MANBA: variants seen among roughly 807,000 people sequenced by gnomAD.
The protein encoded by MANBA is beta-mannosidase.
In MANBA, 83 loss-of-function variants were observed where a neutral mutation model predicts 111.1. That is an observed-to-expected ratio of 0.75 (90% CI 0.63 to 0.90). MANBA has a LOEUF of 0.90. MANBA is among the 40% of genes least tolerant of loss of function. The pLI is 0.00. For missense variants in MANBA, 1,036 were observed against 1,069.0 expected (o/e 0.97, Z 0.43); for synonymous variants, 370 against 378.7 (o/e 0.98, Z 0.27).
chr4:102,650,313 T>C (rs1730272955), intron 13 of MANBA, among the ~76,000 whole-genome samples: 1 of 152,230 alleles, frequency 6.6e-6, no homozygotes, highest in Non-Finnish European at 1.5e-5. Context: ...TCATACACAA[T>C]TTATTTCAGA....
At chr4:102,715,087 C>T (rs1722268404) in intron 4 of MANBA, among the ~76,000 whole-genome samples, 1 of 152,154 alleles carries the variant, frequency 6.6e-6, no homozygotes, top group African/African-American at 2.4e-5. Flanking sequence ...CAATGATCCC[C>T]CCTTTGAAGT....
At chr4:102,643,212 A>G (rs1052179540) in intron 13 of MANBA, among the ~76,000 whole-genome samples, 1 of 152,304 alleles carries the variant, frequency 6.6e-6, no homozygotes, top group Non-Finnish European at 1.5e-5. Flanking sequence ...GAATGATAAA[A>G]TATGTGGCTT....
chr4:102,675,875 A>G (rs227279), intron 7 of MANBA, among the ~76,000 whole-genome samples: 80,928 of 151,778 alleles, frequency 0.53, 21,717 homozygotes, highest in South Asian at 0.57. Flanking sequence ...GGAGGCTGAG[A>G]CAGGAGAATG....
chr4:102,756,136 A>G (rs904524627), intron 1 of MANBA, among the ~76,000 whole-genome samples: 1 of 152,240 alleles, frequency 6.6e-6, no homozygotes, highest in African/African-American at 2.4e-5. Flanking sequence ...ATATACCCAA[A>G]GTATTATAAA....
At chr4:102,712,946 G>T (rs924956723) in intron 5 of MANBA, among the ~76,000 whole-genome samples, 1 of 152,140 alleles carries the variant, frequency 6.6e-6, no homozygotes, top group African/African-American at 2.4e-5. Flanking sequence ...TCTTTAGTTG[G>T]ATTACACCTC....
chr4:102,640,174 C>G (rs1729818288), intron 13 of MANBA, among the ~76,000 whole-genome samples: 2 of 152,122 alleles, frequency 1.3e-5, no homozygotes, highest in South Asian at 4.1e-4. Context: ...ACAAAGACTA[C>G]TATTCCAGAG....
chr4:102,723,032 T>C lies in MANBA; in HGVS notation c.388A>G (p.Ile130Val), dbSNP rs1383094711. The C allele has an allele frequency of 1.2e-6, 2 of 1,613,716 alleles. No homozygotes were observed. The highest frequency in any genetic ancestry group is 1.7e-6 in the Non-Finnish European group (2 of 1,179,824). ...DNMFNRYSFD[I>V]TNVVRDVNSI... ...TTCACGTCCCTGACCACGTTGGTAA[T>C]ATCAAAGCTCTAAGTTAAAGGGAAC... Residue 130 changes from isoleucine to valine, a missense_variant, in exon 4 of 17, where the codon ATT becomes GTT. Coordinates refer to ENST00000647097, the MANE Select transcript of MANBA (RefSeq NM_005908.4).
intron 1 of MANBA, among the ~76,000 whole-genome samples, chr4:102,739,540 A>G (rs1723331932): frequency 6.6e-6 from 1 of 152,236 alleles, no homozygotes. Context: ...GCATAGCTGC[A>G]AAGAGCCTCA....
chr4:102,674,294 A>G (rs571990559), intron 7 of MANBA, among the ~76,000 whole-genome samples: 9 of 152,282 alleles, frequency 5.9e-5, no homozygotes, highest in African/African-American at 2.2e-4. Flanking sequence ...TATAGAAACC[A>G]CTAAAGAGCT....
At position 102,642,310 on chromosome 4, in the gene MANBA, A is replaced by G. The variant is rs574134686; in HGVS notation, c.1870-2453T>C. On this transcript the variant is annotated intron_variant, in intron 13 of 16. Transcript: ENST00000647097. The stretch of plus-strand genomic sequence containing the variant: ...TAGCAGACAAATGAATTTTAGTTTT[A>G]AAAATATGCCTATTTGGCTGGGCGC... Among the ~76,000 whole-genome samples the G allele has an allele frequency of 5.9e-5, 9 of 152,330 alleles. No homozygotes were observed. The South Asian group carries it at 1.9e-3, about 32-fold the overall frequency.
chr4:102,641,945 G>C (rs1197672561), intron 13 of MANBA, among the ~76,000 whole-genome samples: 1 of 151,206 alleles, frequency 6.6e-6, no homozygotes, highest in Non-Finnish European at 1.5e-5. Flanking sequence ...GCATAACCAA[G>C]ACTCTTTTGT....
rs1471475585 is a variant in MANBA, at chr4:102,631,975, T to C, written c.*82A>G. On this transcript the variant is annotated 3_prime_UTR_variant, in exon 17 of 17. Transcript: ENST00000647097. ...AGACATGTCTCTCGGCTTCTCTCCT[T>C]GTCTCTGTTGCCTTCCTCTCCAGTC... is the stretch of plus-strand genomic sequence containing the variant. The C allele has an allele frequency of 1.7e-6, 2 of 1,205,510 alleles. No homozygotes were observed. The highest frequency in any genetic ancestry group is 2.5e-6 in the Non-Finnish European group (2 of 814,930). The allele number at this position is 1,205,510 out of a possible 1,614,324, so 74.7% of individuals were successfully genotyped here.
rs1044963255 is a variant in MANBA, at chr4:102,710,653, GA to G, written c.673+3784del. Among the ~76,000 whole-genome samples, 121 of 151,520 alleles carry G rather than the reference GA, an allele frequency of 8.0e-4. 1 individual carries two copies. Among genetic ancestry groups the G allele is most frequent in the African/African-American group, 2.9e-3 (118 of 41,318 alleles). On this transcript the variant is annotated intron_variant, in intron 5 of 16. Coordinates refer to ENST00000647097, the MANE Select transcript of MANBA (RefSeq NM_005908.4). Reference sequence around the variant, plus strand: ...ACCAAAGTCACTTTGTACAGAAATAGAAAAAAAATCCTACAGTTCATATGGA... The same window carrying G: ...ACCAAAGTCACTTTGTACAGAAATAGAAAAAAATCCTACAGTTCATATGGA...
At chr4:102,695,604 T>C (rs1732671248) in intron 5 of MANBA, among the ~76,000 whole-genome samples, 1 of 152,168 alleles carries the variant, frequency 6.6e-6, no homozygotes, top group Non-Finnish European at 1.5e-5. Flanking sequence ...AACTTGGAGA[T>C]GTTCTCATCA....
At chr4:102,730,171 T>C (rs1399499411) in intron 1 of MANBA, 3 of 1,034,820 alleles carry the variant, frequency 2.9e-6, no homozygotes, top group Middle Eastern at 4.3e-4. Flanking sequence ...CTGATGGACA[T>C]GGTGGAGGCA....
chr4:102,675,828 G>A (rs1242322264), intron 7 of MANBA, among the ~76,000 whole-genome samples: 1 of 152,118 alleles, frequency 6.6e-6, no homozygotes, highest in Non-Finnish European at 1.5e-5. Context: ...AAAATTAGCT[G>A]GGTGTGGTGG....
intron 5 of MANBA, among the ~76,000 whole-genome samples, chr4:102,701,140 TG>T (rs1232803132): frequency 6.6e-6 from 1 of 152,114 alleles, no homozygotes; most frequent in Non-Finnish European, 1.5e-5. Context: ...TTTTGATCTT[TG>T]TTGGTTTAAA....
chr4:102,755,141 C>T (rs916078499), intron 1 of MANBA, among the ~76,000 whole-genome samples: 11 of 151,854 alleles, frequency 7.2e-5, no homozygotes, highest in South Asian at 2.1e-4. Context: ...ATATGGAACC[C>T]AAAAAAAGCC....
chr4:102,697,790 C>A (rs1336611392), intron 5 of MANBA, among the ~76,000 whole-genome samples: 2 of 151,742 alleles, frequency 1.3e-5, no homozygotes, highest in African/African-American at 4.8e-5. Context: ...CAAGTCTTTG[C>A]TATTGTGAAT....
Sources: gnomAD v4.1 joint callset for allele counts (sites outside exome capture counted in the v4.1 genomes callset) on GRCh38, gnomAD v4.1.1 for gene constraint, MANE v1.5 for transcripts, NCBI Gene and HGNC (gene_info 2026-07-23, HGNC 2026-07-21) for gene names.